Variants in IQANK1 observed in about 807,000 individuals in gnomAD.
IQANK1 encodes IQ motif and ankyrin repeat containing 1, also known as IQ motif and ankyrin repeat domain-containing protein 1.
A neutral mutation model predicts 22.6 loss-of-function variants in IQANK1; 30 were observed. The ratio of observed to expected loss-of-function variants is 1.33; its 90% CI spans 0.99 to 1.80. IQANK1 has a LOEUF of 1.80. Among genes scored for constraint, IQANK1 ranks in the 40% most tolerant of loss-of-function variants. The pLI, the probability that IQANK1 is intolerant of heterozygous loss-of-function variation, is 0.00. For synonymous variants in IQANK1, 122 were observed against 99.6 expected (o/e 1.23, Z -1.34); for missense variants, 275 against 235.2 (o/e 1.17, Z -1.11).
At chr8:143,744,539 C>T (rs1554627046) in intron 3 of IQANK1, 1 of 152,220 alleles carries the variant, frequency 6.6e-6, no homozygotes. Flanking sequence ...CTCTCACTGG[C>T]CCTGCTGCCT....
intron 7 of IQANK1, among the ~76,000 whole-genome samples, chr8:143,781,876 G>A (rs1318897563): frequency 6.6e-6 from 1 of 152,144 alleles, no homozygotes; most frequent in Non-Finnish European, 1.5e-5. Flanking sequence ...AGTTTGATAG[G>A]AATAGCGTCG....
intron 7 of IQANK1, among the ~76,000 whole-genome samples, chr8:143,781,232 G>A (rs184191267): frequency 6.6e-6 from 1 of 152,268 alleles, no homozygotes; most frequent in Non-Finnish European, 1.5e-5. Flanking sequence ...ACTTCTGTCA[G>A]ATGCATAGTT....
chr8:143,788,016 T>G (rs1587496966), intron 7 of IQANK1, among the ~76,000 whole-genome samples: 2 of 152,102 alleles, frequency 1.3e-5, no homozygotes, highest in African/African-American at 4.8e-5. Context: ...CCCGACTGTT[T>G]CGCAGGCCTA....
intron 7 of IQANK1, among the ~76,000 whole-genome samples, chr8:143,785,253 CTTTTT>C (rs36118052): frequency 2.2e-5 from 2 of 92,036 alleles, no homozygotes; most frequent in Admixed American, 1.3e-4. Context: ...TGTTCTGTAT[CTTTTT>C]TTTTTTTTTT....
At chr8:143,773,825 G>A (rs1819632751) in intron 7 of IQANK1, among the ~76,000 whole-genome samples, 1 of 152,336 alleles carries the variant, frequency 6.6e-6, no homozygotes, top group African/African-American at 2.4e-5. Context: ...TGAGGATACG[G>A]TGAGGCGTCC....
chr8:143,756,620 G>A (rs2129858099), intron 3 of IQANK1, among the ~76,000 whole-genome samples: 1 of 152,088 alleles, frequency 6.6e-6, no homozygotes, highest in South Asian at 2.1e-4. Context: ...GTAGTTATTG[G>A]GTGTCTTGTG....
rs533081925 is a variant in IQANK1 at position 143,758,112 on chromosome 8, A to G, written c.176-13376A>G. ...AATGTGAGGGTGTTTTGTCGGCCCT[A>G]TTATGTAAAAGCAAAGTGTTTCTGG... On this transcript the variant is annotated intron_variant, in intron 3 of 13. Transcript: ENST00000527139. The surrounding 1 kb of genome is among the most constrained non-coding windows in gnomAD (Gnocchi z 4.2). The G allele has an allele frequency of 1.3e-5, 2 of 152,306 alleles. No individual in the cohort carries two copies. The highest frequency in any genetic ancestry group is 2.1e-4 in the South Asian group (1 of 4,830). The allele number at this position is 152,306 out of a possible 1,614,324, so 9.4% of individuals were successfully genotyped here. A position where few individuals can be genotyped will look rare whatever the true frequency, so the allele number is the denominator to read the frequency against.
At chr8:143,748,977 TATATC>T (rs1376536979) in intron 3 of IQANK1, among the ~76,000 whole-genome samples, 67 of 112,450 alleles carry the variant, frequency 6.0e-4, no homozygotes, top group African/African-American at 1.9e-3. Context: ...CATATATAAA[TATATC>T]ATATATAAAT....
chr8:143,773,498 C>T (rs1026114022), intron 7 of IQANK1, among the ~76,000 whole-genome samples: 2 of 152,040 alleles, frequency 1.3e-5, no homozygotes, highest in Non-Finnish European at 2.9e-5. Flanking sequence ...TTAATTTGAA[C>T]CCCAGTCCCT....
At chr8:143,759,684 C>T (rs1237038099) in intron 3 of IQANK1, 1 of 152,266 alleles carries the variant, frequency 6.6e-6, no homozygotes, top group South Asian at 2.1e-4. Flanking sequence ...CCTTGCGCCT[C>T]GCCCAGCTAG....
At chr8:143,742,493 G>C in intron 3 of IQANK1, 1 of 456,088 alleles carries the variant, frequency 2.2e-6, no homozygotes, top group Non-Finnish European at 4.4e-6. Context: ...GGACTCGCCT[G>C]TGTCATCTGG....
chr8:143,751,670 A>ATATATATATATATATATATG, intron 3 of IQANK1, among the ~76,000 whole-genome samples: 1 of 137,814 alleles, frequency 7.3e-6, no homozygotes, highest in Non-Finnish European at 1.6e-5. Flanking sequence ...GTGTGTATAT[A>ATATATATATATATATATATG]TATATATAAA....
chr8:143,766,777 G>A (rs536583715), intron 3 of IQANK1, among the ~76,000 whole-genome samples: 4 of 152,332 alleles, frequency 2.6e-5, no homozygotes, highest in African/African-American at 9.6e-5. Context: ...AGTTCCTGAA[G>A]CTGTTCTCCC....
intron 3 of IQANK1, among the ~76,000 whole-genome samples, chr8:143,753,303 C>T (rs374032288): frequency 2.3e-4 from 35 of 152,048 alleles, no homozygotes; most frequent in African/African-American, 7.5e-4. Context: ...TGTGAGCCAC[C>T]GCACCTGGCC....
chr8:143,739,215 C>T (rs942065483), intron 2 of IQANK1, among the ~76,000 whole-genome samples: 2 of 152,160 alleles, frequency 1.3e-5, no homozygotes, highest in African/African-American at 4.8e-5. Context: ...CAAATGCCGG[C>T]GTCCTCTGGG....
chr8:143,779,467 A>G (rs1316423135), intron 7 of IQANK1, among the ~76,000 whole-genome samples: 1 of 152,226 alleles, frequency 6.6e-6, no homozygotes, highest in Non-Finnish European at 1.5e-5. Context: ...TCCATTCTTT[A>G]CACTCATTCA....
intron 3 of IQANK1, among the ~76,000 whole-genome samples, chr8:143,757,168 G>T (rs1484300651): frequency 6.6e-6 from 1 of 152,160 alleles, no homozygotes; most frequent in African/African-American, 2.4e-5. Context: ...TTGAATGCTG[G>T]TCTTAACTGC....
At chr8:143,763,583 G>T (rs748943418) in intron 3 of IQANK1, among the ~76,000 whole-genome samples, 5 of 152,172 alleles carry the variant, frequency 3.3e-5, no homozygotes, top group Non-Finnish European at 1.5e-5. Flanking sequence ...AAGCTCGCAC[G>T]AGAGCTGGTT....
At chr8:143,785,783 G>C (rs549033443) in intron 7 of IQANK1, among the ~76,000 whole-genome samples, 2 of 150,404 alleles carry the variant, frequency 1.3e-5, no homozygotes, top group South Asian at 4.2e-4. Flanking sequence ...CTGGAATGCA[G>C]TGGCACGATC....
Sources: allele counts gnomAD v4.1 joint callset (sites outside exome capture counted in the v4.1 genomes callset), GRCh38; gene constraint gnomAD v4.1.1; non-coding constraint Gnocchi (gnomAD v3.1); transcripts MANE v1.5; gene names NCBI Gene and HGNC (gene_info 2026-07-23, HGNC 2026-07-21).